The following NRG1 variants were observed in gnomAD, a reference collection of about 807,000 sequenced individuals.
NRG1 encodes the protein pro-neuregulin-1, membrane-bound isoform.
Under a neutral mutation model 63.8 loss-of-function variants are expected in NRG1, and 18 were observed. The ratio of observed to expected loss-of-function variants is 0.28; its 90% CI spans 0.19 to 0.42. The LOEUF (loss-of-function observed/expected upper bound fraction) is 0.42. NRG1 is among the 10% of genes least tolerant of loss of function. The probability of loss-of-function intolerance (pLI) is 1.00; values close to 1 mark genes in which losing one functional copy is unlikely to be tolerated. For missense variants in NRG1, 762 were observed against 814.7 expected (o/e 0.94, Z 0.79); for synonymous variants, 302 against 301.3 (o/e 1.00, Z -0.02).
chr8:31,855,397 G>A (rs1381191505), intron 1 of NRG1, among the ~76,000 whole-genome samples: 1 of 151,946 alleles, frequency 6.6e-6, no homozygotes, highest in Non-Finnish European at 1.5e-5. Context: ...GATCTTTGTT[G>A]GTTTAAAGTC....
chr8:32,549,948 GCAGAATTAATT>G (rs887193245), intron 1 of NRG1, among the ~76,000 whole-genome samples: 3 of 152,170 alleles, frequency 2.0e-5, no homozygotes, highest in African/African-American at 7.2e-5. Flanking sequence ...AAGCACTTCT[GCAGAATTAATT>G]CACTAGTACT....
At chr8:31,721,288 T>A (rs759000985) in intron 1 of NRG1, among the ~76,000 whole-genome samples, 19 of 152,194 alleles carry the variant, frequency 1.2e-4, no homozygotes, top group Non-Finnish European at 2.5e-4. Flanking sequence ...ATTCTTTCCA[T>A]AGGATATTGT....
chr8:31,976,012 A>G (rs1396738012), intron 1 of NRG1, among the ~76,000 whole-genome samples: 4 of 152,212 alleles, frequency 2.6e-5, no homozygotes, highest in Non-Finnish European at 5.9e-5. Flanking sequence ...AAATCTCAAG[A>G]AAAGGCTAAA....
At chr8:32,158,097 T>C (rs918305635) in intron 1 of NRG1, among the ~76,000 whole-genome samples, 7 of 152,018 alleles carry the variant, frequency 4.6e-5, no homozygotes, top group African/African-American at 1.7e-4. Flanking sequence ...AAGGAGAGAT[T>C]TGCAGGCATT....
chr8:32,054,345 A>G (rs1047677096), intron 1 of NRG1, among the ~76,000 whole-genome samples: 2 of 152,166 alleles, frequency 1.3e-5, no homozygotes, highest in African/African-American at 2.4e-5. Flanking sequence ...TGTATCCCCA[A>G]GGGTGTTGGC....
intron 1 of NRG1, among the ~76,000 whole-genome samples, chr8:31,678,444 G>A (rs1807957766): frequency 6.6e-6 from 1 of 151,988 alleles, no homozygotes; most frequent in East Asian, 1.9e-4. Context: ...TGTGTCCATT[G>A]AATTTAGAAG....
At chr8:32,162,473 T>C (rs1156738348) in intron 1 of NRG1, among the ~76,000 whole-genome samples, 3 of 152,092 alleles carry the variant, frequency 2.0e-5, no homozygotes, top group Admixed American at 2.0e-4. Context: ...GTAATCATTG[T>C]TTTTTTCAAA....
chr8:32,264,838 T>C lies in NRG1; in HGVS notation c.38-330990T>C, dbSNP rs560511160. Among the ~76,000 whole-genome samples the C allele has an allele frequency of 6.0e-5, 9 of 151,042 alleles. No individual in the cohort carries two copies. In the South Asian group the frequency reaches 1.5e-3, roughly 25 times the overall value. Reference sequence around the variant, plus strand: ...GAAAAAAAAAAAGGATTCTGAAAGATACGGTTTGGAAAGACTTCGTGGAGG... The same window carrying C: ...GAAAAAAAAAAAGGATTCTGAAAGACACGGTTTGGAAAGACTTCGTGGAGG... On this transcript the variant is annotated intron_variant, in intron 1 of 10. Transcript: ENST00000519301.
intron 1 of NRG1, among the ~76,000 whole-genome samples, chr8:31,955,597 G>A (rs965541866): frequency 2.0e-5 from 3 of 152,112 alleles, no homozygotes; most frequent in Admixed American, 6.5e-5. Flanking sequence ...CTAGGCTGTC[G>A]GTGCTTTTTG....
intron 3 of NRG1, 128 bp downstream of exon 3, chr8:32,605,811 C>A: frequency 2.8e-6 from 3 of 1,088,800 alleles, no homozygotes; most frequent in South Asian, 3.3e-5. Context: ...GAAAGAAAAC[C>A]AGATGTTTCA....
At chr8:32,763,854 A>G in exon 12 of NRG1, 2 of 1,614,038 alleles carry the variant, frequency 1.2e-6, no homozygotes, top group Non-Finnish European at 1.7e-6. Flanking sequence ...CGTGTCCAGC[A>G]TGACGGTGTC....
chr8:32,122,337 G>A (rs1473397921), intron 1 of NRG1, among the ~76,000 whole-genome samples: 1 of 151,954 alleles, frequency 6.6e-6, no homozygotes, highest in Non-Finnish European at 1.5e-5. Context: ...TGGGTTTTTG[G>A]TAGTCACAAT....
intron 5 of NRG1, among the ~76,000 whole-genome samples, chr8:32,725,997 A>C (rs1380562584): frequency 6.6e-6 from 1 of 152,144 alleles, no homozygotes; most frequent in African/African-American, 2.4e-5. Context: ...GATGGTAAAA[A>C]TCACCTGTCT....
chr8:31,844,101 G>A (rs933361544), intron 1 of NRG1, among the ~76,000 whole-genome samples: 3 of 152,192 alleles, frequency 2.0e-5, no homozygotes, highest in Non-Finnish European at 1.5e-5. Flanking sequence ...AAGAGATTAA[G>A]CAACTAGTTC....
chr8:31,969,567 T>G (rs916010107), intron 1 of NRG1, among the ~76,000 whole-genome samples: 4 of 152,162 alleles, frequency 2.6e-5, no homozygotes, highest in African/African-American at 7.2e-5. Flanking sequence ...TCTGCAGTGA[T>G]TGGTTCTGAT....
At chr8:32,582,674 A>G (rs1369891613) in intron 1 of NRG1, among the ~76,000 whole-genome samples, 1 of 152,234 alleles carries the variant, frequency 6.6e-6, no homozygotes, top group African/African-American at 2.4e-5. Flanking sequence ...AACTGGAATC[A>G]GAACCTGAGC....
At chr8:32,629,082 T>A (rs1204272963) in intron 5 of NRG1, among the ~76,000 whole-genome samples, 1 of 152,162 alleles carries the variant, frequency 6.6e-6, no homozygotes, top group African/African-American at 2.4e-5. Flanking sequence ...AACTTTTGGG[T>A]AAATAGTGCA....
intron 1 of NRG1, among the ~76,000 whole-genome samples, chr8:31,907,086 C>T (rs933754471): frequency 6.6e-6 from 1 of 152,084 alleles, no homozygotes; most frequent in Non-Finnish European, 1.5e-5. Flanking sequence ...TTGGGGCCCA[C>T]TGACTGTAAG....
At chr8:31,947,801 C>G (rs1279956254) in intron 1 of NRG1, among the ~76,000 whole-genome samples, 2 of 151,862 alleles carry the variant, frequency 1.3e-5, no homozygotes, top group African/African-American at 4.8e-5. Context: ...AAAAAATTAA[C>G]TGGGTGTGGT....
Sources: allele counts gnomAD v4.1 joint callset (sites outside exome capture counted in the v4.1 genomes callset), GRCh38; gene constraint gnomAD v4.1.1; transcripts MANE v1.5; gene names NCBI Gene and HGNC (gene_info 2026-07-23, HGNC 2026-07-21).